The following FOCAD variants were observed in gnomAD, a reference collection of about 807,000 sequenced individuals.
The protein encoded by FOCAD is KIAA1797.
A neutral mutation model predicts 225.6 loss-of-function variants in FOCAD; 198 were observed. That is an observed-to-expected ratio of 0.88 (90% CI 0.78 to 0.99). The LOEUF is 0.99. Ranked by LOEUF, FOCAD falls within the 50% of genes least tolerant of loss-of-function variation. FOCAD has a pLI of 0.00. For synonymous variants in FOCAD, 897 were observed against 755.0 expected (o/e 1.19, Z -3.08); for missense variants, 2,713 against 2,123.6 (o/e 1.28, Z -5.46).
rs747893137 is a variant in FOCAD, at chr9:20,885,140, G to A, written c.2535G>A (p.Met845Ile). ...TGTTATTTTGCTATGATGTTTCCATGTATCAGAGTAAAGATGGAAAACCAT... is the reference window on the plus strand; with the variant it reads ...TGTTATTTTGCTATGATGTTTCCATATATCAGAGTAAAGATGGAAAACCAT... ...GGMLFCYDVS[M>I]YQSKDGKPLN... is the part of the protein sequence containing the mutation. Residue 845 changes from methionine (M) to isoleucine (I), a missense_variant, in exon 21 of 44, where the codon ATG becomes ATA. Physicochemically the swap from Met to Ile is conservative, Grantham distance 10 (BLOSUM62 1). Coordinates refer to ENST00000338382, the MANE Select transcript of FOCAD (RefSeq NM_001375567.1). 2.6e-6 allele frequency: 4 copies of A among 1,518,504 alleles called. No homozygotes were observed. The highest frequency in any genetic ancestry group is 2.8e-5 in the South Asian group (2 of 71,104). The allele number at this position is 1,518,504 out of a possible 1,614,324, so 94.1% of individuals were successfully genotyped here.
At chr9:20,744,926 A>G (rs1827925092) in intron 5 of FOCAD, among the ~76,000 whole-genome samples, 1 of 152,194 alleles carries the variant, frequency 6.6e-6, no homozygotes, top group Non-Finnish European at 1.5e-5. Context: ...CCTCTGATGC[A>G]GGTACTATTT....
intron 2 of FOCAD, among the ~76,000 whole-genome samples, chr9:20,670,696 A>T (rs1441483752): frequency 6.6e-6 from 1 of 152,140 alleles, no homozygotes; most frequent in Non-Finnish European, 1.5e-5. Flanking sequence ...TGGCCAGGGG[A>T]CACAGCGCCA....
intron 5 of FOCAD, among the ~76,000 whole-genome samples, chr9:20,742,288 G>A (rs1827690364): frequency 1.3e-5 from 2 of 152,196 alleles, no homozygotes; most frequent in African/African-American, 2.4e-5. Flanking sequence ...AAGTGTCCTA[G>A]GTGATTGTCA....
chr9:20,898,604 A>G (rs1289179642), intron 21 of FOCAD, among the ~76,000 whole-genome samples: 1 of 151,748 alleles, frequency 6.6e-6, no homozygotes, highest in East Asian at 1.9e-4. Flanking sequence ...CTCTGCTTAC[A>G]TTGTTAATTT....
chr9:20,730,094 C>G (rs1466718901), intron 4 of FOCAD, among the ~76,000 whole-genome samples: 1 of 152,118 alleles, frequency 6.6e-6, no homozygotes, highest in Non-Finnish European at 1.5e-5. Flanking sequence ...TAAAATTCCC[C>G]ACTTAAGTCT....
chr9:20,977,449 G>A (rs1840319031), intron 36 of FOCAD, among the ~76,000 whole-genome samples: 1 of 152,098 alleles, frequency 6.6e-6, no homozygotes, highest in Non-Finnish European at 1.5e-5. Flanking sequence ...TTCATCCACA[G>A]CAACCTATTT....
At chr9:20,670,959 T>C (rs529429787) in intron 2 of FOCAD, among the ~76,000 whole-genome samples, 45 of 152,326 alleles carry the variant, frequency 3.0e-4, no homozygotes, top group Admixed American at 9.1e-4. Flanking sequence ...ATCCTTATTA[T>C]GTAAAAATTT....
At chr9:20,942,684 G>A (rs893131462) in intron 28 of FOCAD, among the ~76,000 whole-genome samples, 1 of 152,114 alleles carries the variant, frequency 6.6e-6, no homozygotes, top group Non-Finnish European at 1.5e-5. Context: ...CTGGTTGAGT[G>A]CCTGTATACG....
intron 5 of FOCAD, among the ~76,000 whole-genome samples, chr9:20,753,044 T>C (rs971560095): frequency 2.6e-5 from 4 of 152,056 alleles, no homozygotes; most frequent in African/African-American, 9.7e-5. Flanking sequence ...GCTTATCAGC[T>C]TAAGGAGATT....
rs184060968 is a variant in FOCAD, at chr9:20,986,363, G to A, written c.4804G>A (p.Asp1602Asn). 81 of 1,590,604 alleles carry A rather than the reference G, an allele frequency of 5.1e-5. No individual in the cohort carries two copies. In the Admixed American group the frequency reaches 9.2e-4, roughly 18 times the overall value. ...ACGATTCCCCTTGGTGAACCTGACC[G>A]ATATGCTGAGCGTTGCTGTGCAGCA... is the stretch of plus-strand genomic sequence containing the variant. ...QGRFPLVNLTDMLSVAVQHRE... is the reference protein window; with the variant it reads ...QGRFPLVNLTNMLSVAVQHRE... The change falls in exon 40 of 44, where the codon GAT becomes AAT. Residue 1602 changes from aspartate to asparagine, a missense_variant. Transcript: ENST00000338382.
intron 34 of FOCAD, among the ~76,000 whole-genome samples, chr9:20,952,099 C>T (rs974707938): frequency 6.6e-6 from 1 of 152,076 alleles, no homozygotes; most frequent in Non-Finnish European, 1.5e-5. Context: ...TACCGGAAGC[C>T]CTGGGTAATA....
intron 1 of FOCAD, among the ~76,000 whole-genome samples, chr9:20,692,190 A>G (rs1255425264): frequency 6.6e-6 from 1 of 152,166 alleles, no homozygotes; most frequent in African/African-American, 2.4e-5. Flanking sequence ...ATATATTTCA[A>G]ACTAAACTCT....
Position 20,769,823 on chromosome 9 carries a change from C to T in FOCAD, c.700-209C>T, listed in dbSNP as rs73438327. Among the ~76,000 whole-genome samples the T allele has an allele frequency of 0.021, 3,136 of 152,250 alleles. 115 individuals carry two copies. Among genetic ancestry groups the T allele is most frequent in the African/African-American group, 0.069 (2,866 of 41,532 alleles). On this transcript the variant is annotated intron_variant, in intron 7 of 43. Transcript: ENST00000338382. Reference sequence around the variant, plus strand: ...TTGTACCAGCCAGCAGTAACAAAAACAGTAGCAAATTGGATTTTGGTTAAT... The same window carrying T: ...TTGTACCAGCCAGCAGTAACAAAAATAGTAGCAAATTGGATTTTGGTTAAT...
chr9:20,656,238 A>T (rs1446726467), upstream of FOCAD, among the ~76,000 whole-genome samples: 2 of 151,212 alleles, frequency 1.3e-5, no homozygotes. Context: ...TGGTGCTGAA[A>T]AAAATGTATA....
intron 35 of FOCAD, among the ~76,000 whole-genome samples, chr9:20,962,538 T>C (rs1302850813): frequency 6.6e-6 from 1 of 152,046 alleles, no homozygotes; most frequent in Non-Finnish European, 1.5e-5. Context: ...AAAAGCAATA[T>C]GCTAGCGATG....
rs145736340 is a variant in FOCAD at position 20,778,662 on chromosome 9, T to C, written c.907-19T>C. ...GGGAACTTCTTTAACAACTCCTTTT[T>C]CCCCCTCTATTCTTTTAGGATTTTC... is the stretch of plus-strand genomic sequence containing the variant. On this transcript the variant is annotated intron_variant, in intron 8 of 43. Transcript: ENST00000338382. The C allele has an allele frequency of 2.2e-3, 3,179 of 1,438,106 alleles. 92 individuals are homozygous for C. The East Asian group carries it at 0.057, about 26-fold the overall frequency. The allele number at this position is 1,438,106 out of a possible 1,614,324, so 89.1% of individuals were successfully genotyped here.
chr9:20,735,682 A>G (rs926778760), intron 4 of FOCAD, among the ~76,000 whole-genome samples: 5 of 147,794 alleles, frequency 3.4e-5, no homozygotes, highest in African/African-American at 1.3e-4. Context: ...TGCTTGGCTT[A>G]TTTTTTAAGG....
At chr9:20,852,282 T>C (rs1198096644) in intron 15 of FOCAD, among the ~76,000 whole-genome samples, 1 of 151,786 alleles carries the variant, frequency 6.6e-6, no homozygotes, top group East Asian at 1.9e-4. Flanking sequence ...GTTTTGTCTT[T>C]AGTCTTGATT....
At chr9:20,875,887 C>T (rs998208232) in intron 19 of FOCAD, 3 of 152,066 alleles carry the variant, frequency 2.0e-5, no homozygotes, top group Non-Finnish European at 2.9e-5. Context: ...AGTTTTGTTA[C>T]AATTCTACTT....
Sources: gnomAD v4.1 joint callset for allele counts (sites outside exome capture counted in the v4.1 genomes callset) on GRCh38, gnomAD v4.1.1 for gene constraint, MANE v1.5 for transcripts, NCBI Gene and HGNC (gene_info 2026-07-23, HGNC 2026-07-21) for gene names.